The following ELP4 variants were observed in gnomAD, a reference collection of about 807,000 sequenced individuals.
The protein encoded by ELP4 is elongator complex protein 4.
Under a neutral mutation model 48.9 loss-of-function variants are expected in ELP4, and 51 were observed. The ratio of observed to expected loss-of-function variants is 1.04; its 90% CI spans 0.83 to 1.32. The LOEUF (loss-of-function observed/expected upper bound fraction) is 1.32, where lower values mean the gene tolerates loss of function less well. Among genes scored for constraint, ELP4 ranks in the 40% most tolerant of loss-of-function variants. ELP4 has a pLI of 0.00. For missense variants in ELP4, 519 were observed against 514.6 expected (o/e 1.01, Z -0.08); for synonymous variants, 210 against 189.2 (o/e 1.11, Z -0.90).
intron 9 of ELP4, among the ~76,000 whole-genome samples, chr11:31,695,281 T>C (rs1592230698): frequency 1.3e-5 from 2 of 152,200 alleles, no homozygotes; most frequent in South Asian, 4.1e-4. Flanking sequence ...CAGTATGTTA[T>C]TGGCTGTGGG....
chr11:31,694,313 T>G (rs1273664560), intron 9 of ELP4, among the ~76,000 whole-genome samples: 1 of 152,232 alleles, frequency 6.6e-6, no homozygotes, highest in African/African-American at 2.4e-5. Flanking sequence ...ATGTAAGTCT[T>G]TAATCCAGCT....
chr11:31,638,510 A>G lies in ELP4; in HGVS notation c.927+6105A>G, dbSNP rs113951191. On this transcript the variant is annotated intron_variant, in intron 7 of 9. Coordinates refer to ENST00000640961, the MANE Select transcript of ELP4 (RefSeq NM_019040.5). ...CTCATTGAAGAAAACTATTACCAGC[A>G]TGTTAGCTTATACCAAGGAAAATTC... Among the ~76,000 whole-genome samples the G allele has an allele frequency of 6.5e-3, 989 of 151,978 alleles. 9 individuals carry two copies. The highest frequency in any genetic ancestry group is 0.022 in the African/African-American group (924 of 41,540).
At chr11:31,738,694 T>C (rs2134214759) in intron 9 of ELP4, among the ~76,000 whole-genome samples, 1 of 151,866 alleles carries the variant, frequency 6.6e-6, no homozygotes, top group Admixed American at 6.6e-5. Context: ...TGAGCGGAGA[T>C]CGTGCCACTG....
chr11:31,600,144 A>G (rs1016957012), intron 4 of ELP4: 1 of 152,206 alleles, frequency 6.6e-6, no homozygotes, highest in Non-Finnish European at 1.5e-5. Flanking sequence ...ATCAATAACA[A>G]TAGTTCAGTA....
chr11:31,687,875 A>AC (rs1383269036), intron 9 of ELP4, among the ~76,000 whole-genome samples: 12 of 152,320 alleles, frequency 7.9e-5, no homozygotes, highest in Non-Finnish European at 1.6e-4. Flanking sequence ...AATCAGGGTT[A>AC]CCCCCAAACC....
chr11:31,613,275 C>A (rs769893260), intron 5 of ELP4, among the ~76,000 whole-genome samples: 7 of 152,120 alleles, frequency 4.6e-5, no homozygotes, highest in Non-Finnish European at 1.0e-4. Flanking sequence ...ATCCCAAATT[C>A]TTTTCTAACA....
At chr11:31,612,234 T>A (rs1957994895) in intron 5 of ELP4, among the ~76,000 whole-genome samples, 1 of 152,260 alleles carries the variant, frequency 6.6e-6, no homozygotes, top group African/African-American at 2.4e-5. Context: ...TGGATGAAGA[T>A]GTAGAAAAGA....
At chr11:31,515,001 A>ATGTG (rs753678395) in intron 1 of ELP4, among the ~76,000 whole-genome samples, 1,697 of 131,908 alleles carry the variant, frequency 0.013, 32 homozygotes, top group African/African-American at 0.038. Context: ...TGCTGTATGC[A>ATGTG]TGTGTGTGTG....
intron 9 of ELP4, among the ~76,000 whole-genome samples, chr11:31,717,042 T>C (rs1354703365): frequency 1.3e-5 from 2 of 152,166 alleles, no homozygotes; most frequent in African/African-American, 4.8e-5. Context: ...ATGCATCTTT[T>C]ATTCTAAACT....
At chr11:31,604,434 A>G (rs1306680446) in intron 5 of ELP4, among the ~76,000 whole-genome samples, 3 of 151,854 alleles carry the variant, frequency 2.0e-5, no homozygotes, top group African/African-American at 7.2e-5. Flanking sequence ...AGTGACTTAG[A>G]ATTTAGAGTT....
chr11:31,637,654 A>G lies in ELP4; in HGVS notation c.927+5249A>G, dbSNP rs116223226. Reference sequence around the variant, plus strand: ...AAGTGGTAACTTTAAAGCAGTTACAATAGGATACTGTTTGACTTCCATATC... The same window carrying G: ...AAGTGGTAACTTTAAAGCAGTTACAGTAGGATACTGTTTGACTTCCATATC... On this transcript the variant is annotated intron_variant, in intron 7 of 9. Coordinates refer to ENST00000640961, the MANE Select transcript of ELP4 (RefSeq NM_019040.5). 1.6e-3 allele frequency among the ~76,000 whole-genome samples: 249 copies of G among 152,102 alleles called. 2 individuals carry two copies. Among genetic ancestry groups the G allele is most frequent in the African/African-American group, 5.7e-3 (238 of 41,560 alleles).
chr11:31,535,673 G>A (rs984965561), intron 2 of ELP4, among the ~76,000 whole-genome samples: 1 of 152,064 alleles, frequency 6.6e-6, no homozygotes, highest in Non-Finnish European at 1.5e-5. Flanking sequence ...GACTTTTTAC[G>A]ACTGTATATA....
chr11:31,680,577 C>A (rs1277851802), intron 9 of ELP4, among the ~76,000 whole-genome samples: 2 of 152,118 alleles, frequency 1.3e-5, no homozygotes, highest in African/African-American at 4.8e-5. Context: ...TATACTCACC[C>A]CTGCCTGAAT....
intron 3 of ELP4, among the ~76,000 whole-genome samples, chr11:31,557,912 T>G (rs1418483629): frequency 6.6e-6 from 1 of 152,142 alleles, no homozygotes; most frequent in African/African-American, 2.4e-5. Context: ...TAATGGTATT[T>G]ATTATATTTC....
rs1180996189 is a variant in ELP4 at position 31,647,786 on chromosome 11, G to A, written c.973G>A (p.Val325Ile). ...ARVTTLSDVV[V>I]GLESFIGSER... ...TGTCACAACCTTGTCAGATGTAGTAGTTGGTCTGGAATCATTTATTGGTTC... is the reference window on the plus strand; with the variant it reads ...TGTCACAACCTTGTCAGATGTAGTAATTGGTCTGGAATCATTTATTGGTTC... The change falls in exon 8 of 10, where the codon GTT (valine) becomes ATT (isoleucine). Residue 325 changes from valine to isoleucine, a missense_variant. Val to Ile is a conservative substitution (Grantham distance 29). Coordinates refer to ENST00000640961, the MANE Select transcript of ELP4 (RefSeq NM_019040.5). 6.2e-7 allele frequency: 1 copy of A among 1,609,920 alleles called. No individual in the cohort carries two copies. Among genetic ancestry groups the A allele is most frequent in the East Asian group, 2.2e-5 (1 of 44,730 alleles).
chr11:31,571,630 G>T (rs1957194925), intron 3 of ELP4, among the ~76,000 whole-genome samples: 1 of 152,160 alleles, frequency 6.6e-6, no homozygotes, highest in Non-Finnish European at 1.5e-5. Flanking sequence ...CAGCAATAGT[G>T]TTAAGACATG....
intron 3 of ELP4, among the ~76,000 whole-genome samples, chr11:31,553,312 G>A (rs1384643448): frequency 6.6e-6 from 1 of 152,116 alleles, no homozygotes; most frequent in Non-Finnish European, 1.5e-5. Flanking sequence ...GTGTTCCTGT[G>A]AGAGTGTTTT....
At chr11:31,638,181 TAAAC>T (rs1443252248) in intron 7 of ELP4, among the ~76,000 whole-genome samples, 1 of 151,882 alleles carries the variant, frequency 6.6e-6, no homozygotes, top group Non-Finnish European at 1.5e-5. Flanking sequence ...TTTTAAAATA[TAAAC>T]AACAATAATG....
chr11:31,669,643 CTCAG>C (rs1353548406), intron 9 of ELP4, among the ~76,000 whole-genome samples: 4 of 152,200 alleles, frequency 2.6e-5, no homozygotes, highest in East Asian at 1.9e-4. Context: ...CTTTTTCTTC[CTCAG>C]TCATTCACCC....
Sources: allele counts gnomAD v4.1 joint callset (sites outside exome capture counted in the v4.1 genomes callset), GRCh38; gene constraint gnomAD v4.1.1; transcripts MANE v1.5; gene names NCBI Gene and HGNC (gene_info 2026-07-23, HGNC 2026-07-21).